AGBL4: variants seen among roughly 807,000 people sequenced by gnomAD.
The protein encoded by AGBL4 is cytosolic carboxypeptidase 6.
Under a neutral mutation model 66.4 loss-of-function variants are expected in AGBL4, and 58 were observed. The ratio of observed to expected loss-of-function variants is 0.87; its 90% CI spans 0.71 to 1.09. AGBL4 has a LOEUF of 1.09. Among genes scored for constraint, AGBL4 ranks in the 50% least tolerant of loss-of-function variants. AGBL4 has a pLI of 0.00. For missense variants in AGBL4, 579 were observed against 631.0 expected (o/e 0.92, Z 0.88); for synonymous variants, 234 against 222.9 (o/e 1.05, Z -0.44).
intron 2 of AGBL4, among the ~76,000 whole-genome samples, chr1:49,717,908 A>G (rs1648285031): frequency 6.6e-6 from 1 of 152,104 alleles, no homozygotes; most frequent in Admixed American, 6.6e-5. Flanking sequence ...GAACCAGAAT[A>G]CAAATGCGAA....
chr1:48,804,130 C>T (rs1240662661), intron 6 of AGBL4, among the ~76,000 whole-genome samples: 1 of 152,148 alleles, frequency 6.6e-6, no homozygotes, highest in African/African-American at 2.4e-5. Flanking sequence ...TTTGTTCAGG[C>T]TACTATCTCT....
chr1:48,565,364 G>C lies in AGBL4; in HGVS notation c.1267+21640C>G, dbSNP rs892850962. ...ATAAACGCAGATGGGACAGGAAGTG[G>C]AGCTGGGCTTCTAGTTGGTCAGTGA... On this transcript the variant is annotated intron_variant, in intron 11 of 13. Transcript: ENST00000371839. Among the ~76,000 whole-genome samples the C allele has an allele frequency of 1.3e-4, 20 of 152,198 alleles. 1 individual carries two copies. The highest frequency in any genetic ancestry group is 2.8e-4 in the Non-Finnish European group (19 of 68,034).
At chr1:48,969,825 G>C (rs1283806907) in intron 5 of AGBL4, among the ~76,000 whole-genome samples, 1 of 152,078 alleles carries the variant, frequency 6.6e-6, no homozygotes, top group Non-Finnish European at 1.5e-5. Flanking sequence ...TTATTATAAT[G>C]GTTCAATTAA....
chr1:49,386,843 T>C (rs1342865013), intron 3 of AGBL4, among the ~76,000 whole-genome samples: 1 of 151,954 alleles, frequency 6.6e-6, no homozygotes, highest in African/African-American at 2.4e-5. Context: ...AGTTAATTCA[T>C]GATAAAGCTG....
intron 3 of AGBL4, among the ~76,000 whole-genome samples, chr1:49,375,770 T>C (rs1644459967): frequency 6.6e-6 from 1 of 152,040 alleles, no homozygotes; most frequent in Non-Finnish European, 1.5e-5. Flanking sequence ...CTATCCTGCT[T>C]CACAAAAGAT....
intron 5 of AGBL4, among the ~76,000 whole-genome samples, chr1:48,972,932 T>C (rs1659026968): frequency 6.6e-6 from 1 of 152,152 alleles, no homozygotes; most frequent in Non-Finnish European, 1.5e-5. Context: ...AAAATATACC[T>C]TTTGATGTAG....
At chr1:48,874,931 C>T (rs1481364412) in intron 5 of AGBL4, among the ~76,000 whole-genome samples, 2 of 152,182 alleles carry the variant, frequency 1.3e-5, no homozygotes, top group African/African-American at 4.8e-5. Flanking sequence ...CTTCTTTCTA[C>T]CTCTCCTTTT....
At chr1:49,945,785 T>C (rs1655150976) in intron 1 of AGBL4, among the ~76,000 whole-genome samples, 3 of 151,944 alleles carry the variant, frequency 2.0e-5, no homozygotes, top group Admixed American at 2.0e-4. Flanking sequence ...TGGATAAGAA[T>C]TCATCAACTA....
intron 5 of AGBL4, among the ~76,000 whole-genome samples, chr1:48,950,177 A>C (rs1056015844): frequency 6.6e-6 from 1 of 150,516 alleles, no homozygotes; most frequent in African/African-American, 2.5e-5. Context: ...GCTCACTGCA[A>C]CCTCCGCCTC....
Position 48,590,965 on chromosome 1 carries a change from A to G in AGBL4, c.972T>C (p.Tyr324=), listed in dbSNP as rs1436245896. 1.2e-6 allele frequency: 2 copies of G among 1,609,940 alleles called. No homozygotes were observed. The highest frequency in any genetic ancestry group is 2.2e-5 in the East Asian group (1 of 44,802). ...YNDPKTSLEF[Y]IDIHAHSTMM... is the part of the protein sequence containing the mutation. Reference sequence around the variant, plus strand: ...TGGTGGAGTGGGCATGGATGTCAATATAAAACTCCAGGCTTGTTTTCTGTT... The same window carrying G: ...TGGTGGAGTGGGCATGGATGTCAATGTAAAACTCCAGGCTTGTTTTCTGTT... Residue 324 remains tyrosine, a synonymous_variant, in exon 10 of 14, where the codon TAT becomes TAC. Transcript: ENST00000371839.
At chr1:49,294,265 T>C (rs1326508876) in intron 3 of AGBL4, among the ~76,000 whole-genome samples, 3 of 152,204 alleles carry the variant, frequency 2.0e-5, no homozygotes, top group Non-Finnish European at 4.4e-5. Flanking sequence ...GAAATGCTTA[T>C]CTTTAGTTTG....
At chr1:49,569,962 A>G (rs890295920) in intron 3 of AGBL4, among the ~76,000 whole-genome samples, 1 of 152,030 alleles carries the variant, frequency 6.6e-6, no homozygotes, top group Non-Finnish European at 1.5e-5. Context: ...TATATACCAC[A>G]TTTTTTTATT....
chr1:49,209,650 G>A (rs1648513786), intron 4 of AGBL4, among the ~76,000 whole-genome samples: 1 of 152,016 alleles, frequency 6.6e-6, no homozygotes, highest in South Asian at 2.1e-4. Context: ...TATGAGTTGA[G>A]GACTGATTAG....
intron 5 of AGBL4, among the ~76,000 whole-genome samples, chr1:48,986,630 A>T (rs1470515018): frequency 6.6e-6 from 1 of 152,100 alleles, no homozygotes; most frequent in Non-Finnish European, 1.5e-5. Context: ...CACTACTAGC[A>T]GACCCACACT....
In AGBL4 at chr1:49,647,618, G is replaced by C. The variant is rs572600079; in HGVS notation, c.282+49695C>G. On this transcript the variant is annotated intron_variant, in intron 3 of 13. Coordinates refer to ENST00000371839, the MANE Select transcript of AGBL4 (RefSeq NM_032785.4). ...AAGATCCTCCATGATCCAGGCAGGG[G>C]GAGGGTGAAATAACCATTTAAAAAT... Among the ~76,000 whole-genome samples the C allele has an allele frequency of 2.0e-5, 3 of 152,198 alleles. No homozygotes were observed. The South Asian group carries it at 6.2e-4, about 32-fold the overall frequency.
intron 3 of AGBL4, among the ~76,000 whole-genome samples, chr1:49,448,854 A>G (rs1303338340): frequency 6.6e-6 from 1 of 151,026 alleles, no homozygotes; most frequent in Non-Finnish European, 1.5e-5. Flanking sequence ...GAAAATAACT[A>G]AGACAGGTGG....
chr1:48,644,328 ACTTT>A (rs528617202), intron 8 of AGBL4, among the ~76,000 whole-genome samples: 148 of 152,214 alleles, frequency 9.7e-4, no homozygotes, highest in African/African-American at 3.1e-3. Context: ...ATTTTCTCTG[ACTTT>A]CCCTATCCCA....
At chr1:48,798,157 A>G (rs1186941270) in intron 6 of AGBL4, among the ~76,000 whole-genome samples, 1 of 151,992 alleles carries the variant, frequency 6.6e-6, no homozygotes, top group Admixed American at 6.6e-5. Context: ...TTTAATTTTT[A>G]AATTATGGCC....
chr1:49,379,059 A>G (rs756932831), intron 3 of AGBL4, among the ~76,000 whole-genome samples: 4 of 152,116 alleles, frequency 2.6e-5, no homozygotes, highest in Admixed American at 2.6e-4. Flanking sequence ...GCCTATGAAG[A>G]CTAGACAAAT....
Sources: gnomAD v4.1 joint callset for allele counts (sites outside exome capture counted in the v4.1 genomes callset) on GRCh38, gnomAD v4.1.1 for gene constraint, MANE v1.5 for transcripts, NCBI Gene and HGNC (gene_info 2026-07-23, HGNC 2026-07-21) for gene names.